KLHL13: variants seen among roughly 807,000 people sequenced by gnomAD.
KLHL13 encodes the protein kelch-like protein 13.
Under a neutral mutation model 37.1 loss-of-function variants are expected in KLHL13, and 10 were observed. That is an observed-to-expected ratio of 0.27 (90% CI 0.17 to 0.46). The LOEUF (loss-of-function observed/expected upper bound fraction) is 0.46. Ranked by LOEUF, KLHL13 falls within the 20% of genes least tolerant of loss-of-function variation. The pLI, the probability that KLHL13 is intolerant of heterozygous loss-of-function variation, is 1.00. For missense variants in KLHL13, 360 were observed against 509.3 expected, an observed-to-expected ratio of 0.71 and a Z score of 2.82; for synonymous variants, 163 against 181.2, an observed-to-expected ratio of 0.90 and a Z score of 0.81.
chrX:118,017,775 A>G (rs1045003386), intron 1 of KLHL13, among the ~76,000 whole-genome samples: 1 of 111,813 alleles, frequency 8.9e-6, no homozygotes, highest in Non-Finnish European at 1.9e-5. Flanking sequence ...GTGGTGAATA[A>G]TATTTGTTAA....
intron 1 of KLHL13, among the ~76,000 whole-genome samples, chrX:118,082,471 ATTGAG>A (rs1379825224): frequency 9.0e-6 from 1 of 110,847 alleles, no homozygotes; most frequent in Non-Finnish European, 1.9e-5. Flanking sequence ...CTTTTTTGCT[ATTGAG>A]TTGAGTTCCT....
intron 1 of KLHL13, among the ~76,000 whole-genome samples, chrX:118,046,562 C>T (rs1602681069): frequency 8.9e-6 from 1 of 112,064 alleles, no homozygotes; most frequent in East Asian, 2.8e-4. Flanking sequence ...TTGCTTGTAA[C>T]TCAAAGGATA....
chrX:117,926,197 G>A (rs1259246183), intron 2 of KLHL13, among the ~76,000 whole-genome samples: 3 of 111,799 alleles, frequency 2.7e-5, no homozygotes, highest in Non-Finnish European at 3.8e-5. Context: ...GAAGGAAAGG[G>A]ATCTGTGAAA....
intron 1 of KLHL13, among the ~76,000 whole-genome samples, chrX:118,040,158 C>G (rs1281443010): frequency 3.6e-5 from 4 of 111,491 alleles, no homozygotes; most frequent in African/African-American, 1.3e-4. Context: ...CAAGTCCACA[C>G]TGCAAAGATT....
intron 1 of KLHL13, among the ~76,000 whole-genome samples, chrX:118,096,977 G>A (rs886078964): frequency 9.0e-6 from 1 of 110,944 alleles, no homozygotes; most frequent in African/African-American, 3.3e-5. Context: ...ATATCATACT[G>A]AATGGGCAAA....
intron 2 of KLHL13, among the ~76,000 whole-genome samples, chrX:117,939,966 C>T (rs185477240): frequency 0.014 from 1,586 of 111,528 alleles, 20 homozygotes; most frequent in Non-Finnish European, 0.021. Flanking sequence ...TTTGTCAGTT[C>T]TGGCTTTTGT....
At chrX:117,906,462 A>G (rs1209325991) in intron 5 of KLHL13, among the ~76,000 whole-genome samples, 6 of 111,410 alleles carry the variant, frequency 5.4e-5, no homozygotes, top group Non-Finnish European at 1.1e-4. Context: ...GTAATACAGG[A>G]TGTGACGTGA....
chrX:118,079,223 T>C (rs1280412740), intron 1 of KLHL13, among the ~76,000 whole-genome samples: 1 of 110,552 alleles, frequency 9.0e-6, no homozygotes, highest in Non-Finnish European at 1.9e-5. Flanking sequence ...TAAGAAAAGA[T>C]TCAGCCATCT....
At chrX:118,053,828 AGAGAGAGAGAGAGAGAGAGAG>A (rs1569304230) in intron 1 of KLHL13, among the ~76,000 whole-genome samples, 19 of 47,743 alleles carry the variant, frequency 4.0e-4, no homozygotes, top group East Asian at 7.1e-4. Context: ...AGGAGAGGAG[AGAGAGAGAGAGAGAGAGAGAG>A]GAGAGAGAGA....
chrX:118,012,436 CCTTCCTATAT>C (rs1317070456), intron 1 of KLHL13, among the ~76,000 whole-genome samples: 1 of 110,185 alleles, frequency 9.1e-6, no homozygotes, highest in East Asian at 2.8e-4. Flanking sequence ...GCTTGTGGCA[CCTTCCTATAT>C]CTTCAAAGAG....
chrX:118,073,797 C>T (rs2054899021), intron 1 of KLHL13, among the ~76,000 whole-genome samples: 1 of 111,679 alleles, frequency 9.0e-6, no homozygotes. Flanking sequence ...GTCATGACTA[C>T]CCATTTCTCT....
intron 1 of KLHL13, among the ~76,000 whole-genome samples, chrX:118,004,148 GA>G (rs2053955269): frequency 1.8e-5 from 2 of 111,626 alleles, no homozygotes; most frequent in African/African-American, 6.5e-5. Context: ...GTGAAATCAT[GA>G]AAAGGGAGAA....
At chrX:117,939,421 G>A (rs141473323) in intron 2 of KLHL13, among the ~76,000 whole-genome samples, 138 of 112,344 alleles carry the variant, frequency 1.2e-3, no homozygotes, top group African/African-American at 4.4e-3. Flanking sequence ...TGTCTTAACA[G>A]TAGAATGATT....
At chrX:118,013,665 CAATA>C (rs1455447278) in intron 1 of KLHL13, among the ~76,000 whole-genome samples, 1 of 111,331 alleles carries the variant, frequency 9.0e-6, no homozygotes, top group Non-Finnish European at 1.9e-5. Context: ...GAGCAAAAAT[CAATA>C]AATAGAAGGA....
At chrX:118,114,412 TCCA>T (rs1226738866) in intron 1 of KLHL13, among the ~76,000 whole-genome samples, 6 of 112,392 alleles carry the variant, frequency 5.3e-5, no homozygotes, top group African/African-American at 1.9e-4. Context: ...GGCTAACTCA[TCCA>T]CCTTTATTCT....
chrX:117,978,532 T>C (rs921718514), upstream of KLHL13, among the ~76,000 whole-genome samples: 3 of 111,172 alleles, frequency 2.7e-5, no homozygotes, highest in African/African-American at 9.8e-5. Context: ...GATATTTACA[T>C]AATACTTTTT....
chrX:117,952,424 A>C (rs1265011968), intron 1 of KLHL13, among the ~76,000 whole-genome samples: 1 of 108,079 alleles, frequency 9.3e-6, no homozygotes, highest in African/African-American at 3.4e-5. Flanking sequence ...TAAAGACTTA[A>C]ATGTTAGACC....
At chrX:118,095,700 C>A (rs1400626034) in intron 1 of KLHL13, among the ~76,000 whole-genome samples, 3 of 112,275 alleles carry the variant, frequency 2.7e-5, no homozygotes, top group Admixed American at 9.5e-5. Flanking sequence ...TCTCTCAGAT[C>A]ACAGTGCAAT....
chrX:117,919,800 T>C (rs1931592509), intron 3 of KLHL13, 83 bp from the exon 5 acceptor site: 2 of 708,582 alleles, frequency 2.8e-6, no homozygotes, highest in Admixed American at 3.2e-5. Flanking sequence ...TGCAATAAAA[T>C]CAAAGGAAAG....
Sources: allele counts gnomAD v4.1 joint callset (sites outside exome capture counted in the v4.1 genomes callset), GRCh38; gene constraint gnomAD v4.1.1; transcripts MANE v1.5; gene names NCBI Gene and HGNC (gene_info 2026-07-23, HGNC 2026-07-21).